TTN: variants seen among roughly 807,000 people sequenced by gnomAD.
TTN encodes connectin.
A neutral mutation model predicts 3,223.0 loss-of-function variants in TTN; 1,525 were observed. That is an observed-to-expected ratio of 0.47 (90% CI 0.45 to 0.49). The LOEUF (loss-of-function observed/expected upper bound fraction) is 0.49. TTN is among the 20% of genes least tolerant of loss of function. The pLI is 0.00. For synonymous variants in TTN, 14,094 were observed against 15,161.0 expected (o/e 0.93, Z 5.17); for missense variants, 40,786 against 43,424.0 (o/e 0.94, Z 5.40).
rs1437813524 is a variant in TTN, at chr2:178,684,084, T to G, written c.32723-2A>C. The stretch of plus-strand genomic sequence containing the variant: ...CAGCTCTCTTCGGTTCCTCTGGCAC[T>G]TTAAAGAGAGATTTCACTTTAAAGT... On this transcript the variant is annotated splice_acceptor_variant, in intron 132 of 362. Transcript: ENST00000589042. LOFTEE classifies it high-confidence loss of function. 6.2e-7 allele frequency: 1 copy of G among 1,612,502 alleles called. No individual in the cohort carries two copies. The highest frequency in any genetic ancestry group is 8.5e-7 in the Non-Finnish European group (1 of 1,179,166).
Position 178,602,479 on chromosome 2 carries a change from A to T in TTN, c.54923T>A (p.Ile18308Asn), listed in dbSNP as rs369024446. Residue 18308 changes from isoleucine to asparagine, a missense_variant, in exon 283 of 363, where the codon ATT becomes AAT. By Grantham distance (149) the Ile-to-Asn change is moderately radical. Transcript: ENST00000589042. ...KDGGSPIKGY[I>N]VEMQEEGTTD... The stretch of plus-strand genomic sequence containing the variant: ...AGTACCTTCTTCTTGCATTTCTACA[A>T]TGTATCCTTTGATTGGGCTGCCACC... The T allele has an allele frequency of 6.2e-7, 1 of 1,611,944 alleles. No homozygotes were observed. Among genetic ancestry groups the T allele is most frequent in the Non-Finnish European group, 8.5e-7 (1 of 1,178,928 alleles).
At position 178,727,297 on chromosome 2, in the gene TTN, T is replaced by C; in HGVS notation, c.20068A>G (p.Lys6690Glu). The C allele has an allele frequency of 6.2e-7, 1 of 1,613,056 alleles. No homozygotes were observed. Residue 6690 changes from lysine to glutamate, a missense_variant, in exon 69 of 363, where the codon AAG (lysine) becomes GAG (glutamate). By Grantham distance (56) the Lys-to-Glu change is moderately conservative. Transcript: ENST00000589042. The stretch of plus-strand genomic sequence containing the variant: ...CTGATTTCTGGGGATCCAGCTATCT[T>C]GCATTCAAGTCGTGAAGAGTCACCT... ...KAGDSSRLEC[K>E]IAGSPEIRVV...
Position 178,575,846 on chromosome 2 carries a change from T to A in TTN, c.70286A>T (p.Asn23429Ile). 1 of 1,613,578 alleles carries A rather than the reference T, an allele frequency of 6.2e-7. No individual in the cohort carries two copies. The highest frequency in any genetic ancestry group is 8.5e-7 in the Non-Finnish European group (1 of 1,179,616). The change falls in exon 326 of 363, where the codon AAC (asparagine) becomes ATC (isoleucine). Residue 23429 changes from asparagine to isoleucine, a missense_variant. Physicochemically the swap from Asn to Ile is moderately radical, Grantham distance 149. Coordinates refer to ENST00000589042, the MANE Select transcript of TTN (RefSeq NM_001267550.2). The surrounding 1 kb of genome is among the most constrained non-coding windows in gnomAD (Gnocchi z 4.0). ...GCCTGGCGTGTCCAAGACTCTGACG[T>A]TCACAAAGCCACTTTTCTTCCCAGC... ...NPAGKKSGFV[N>I]VRVLDTPGPV...
intron 77 of TTN, 40 bp from the exon 78 acceptor site, chr2:178,722,174 G>GAT (rs1553910202): frequency 1.3e-6 from 2 of 1,529,110 alleles, no homozygotes; most frequent in Non-Finnish European, 1.8e-6. Context: ...TTTTTTGTTT[G>GAT]TTTTTTTGCC....
At chr2:178,556,455 CAAAAA>C in intron 330 of TTN, 1 of 185,784 alleles carries the variant, frequency 5.4e-6, no homozygotes, top group Non-Finnish European at 1.1e-5. Context: ...AACAAACAAA[CAAAAA>C]AAAAAAAACC....
rs747202772 is a variant in TTN at position 178,749,727 on chromosome 2, C to G, written c.11311+3397G>C. The G allele has an allele frequency of 5.2e-5, 84 of 1,612,878 alleles. No homozygotes were observed. Among genetic ancestry groups the G allele is most frequent in the Non-Finnish European group, 7.0e-5 (82 of 1,179,382 alleles). ...GCAACACATTTATATTTTCCAGAAT[C>G]TTGAGAATTAACATCCTTAATATAT... On this transcript the variant is annotated intron_variant, in intron 47 of 362. Transcript: ENST00000589042.
chr2:178,554,185 C>G lies in TTN; in HGVS notation c.88926G>C (p.Val29642=). 6.2e-7 allele frequency: 1 copy of G among 1,608,868 alleles called. No homozygotes were observed. The highest frequency in any genetic ancestry group is 8.5e-7 in the Non-Finnish European group (1 of 1,177,894). The change falls in exon 333 of 363, where the codon GTG becomes GTC. Residue 29642 remains valine, a synonymous_variant. Transcript: ENST00000589042. The stretch of plus-strand genomic sequence containing the variant: ...TCATCGAATTCTTGGTAATCTTTGT[C>G]ACTTCTGGTATGCCTGGTGGCCCAG... ...VTPGPPGIPE[V]TKITKNSMTV...
In TTN at chr2:178,554,679, C is replaced by G. The variant is rs1700648523; in HGVS notation, c.88668G>C (p.Arg29556=). 1 of 1,613,874 alleles carries G rather than the reference C, an allele frequency of 6.2e-7. No individual in the cohort carries two copies. The highest frequency in any genetic ancestry group is 2.2e-5 in the East Asian group (1 of 44,872). Reference sequence around the variant, plus strand: ...TTGCACCACCATCATCAGCTGGAGGCCGCCAGAGAAGGGTGATCTTCTCAG... The same window carrying G: ...TTGCACCACCATCATCAGCTGGAGGGCGCCAGAGAAGGGTGATCTTCTCAG... ...VTAEKITLLW[R]PPADDGGAKI... The change falls in exon 332 of 363, where the codon CGG becomes CGC. Residue 29556 remains arginine, a synonymous_variant. Transcript: ENST00000589042.
rs373727636 is a variant in TTN at position 178,548,930 on chromosome 2, A to G, written c.92696T>C (p.Ile30899Thr). The change falls in exon 339 of 363, where the codon ATC becomes ACC. Residue 30899 changes from isoleucine (I) to threonine (T), a missense_variant. Physicochemically the swap from Ile to Thr is moderately conservative, Grantham distance 89 (BLOSUM62 -1). Transcript: ENST00000589042. The surrounding 1 kb of genome is among the most constrained non-coding windows in gnomAD (Gnocchi z 4.3). ...GCTGTCGCCTTTTCCAGCACCATTG[A>G]TAGCACTAACTCGGAATTTGTATTC... ...GEEYKFRVSA[I>T]NGAGKGDSCE... 348 of 1,613,938 alleles carry G rather than the reference A, an allele frequency of 2.2e-4. No individual in the cohort carries two copies. Among genetic ancestry groups the G allele is most frequent in the Non-Finnish European group, 2.8e-4 (334 of 1,179,840 alleles).
intron 34 of TTN, 134 bp downstream of exon 34, chr2:178,771,077 G>C: frequency 7.1e-7 from 1 of 1,401,762 alleles, no homozygotes; most frequent in Non-Finnish European, 9.8e-7. Context: ...GTCTCAGGAA[G>C]GTTTAGAGGA....
chr2:178,694,661 T>C lies in TTN; in HGVS notation c.31364A>G (p.Lys10455Arg), dbSNP rs1378460966. ...GGAAGGTTTTTGTGGAACAATCTTCTTTGAAACTTCAGGTACTTTAAAAAT... is the reference window on the plus strand; with the variant it reads ...GGAAGGTTTTTGTGGAACAATCTTCCTTGAAACTTCAGGTACTTTAAAAAT... Reference protein sequence around the residue: ...VQVTKVPEVSKKIVPQKPSRT... With the variant: ...VQVTKVPEVSRKIVPQKPSRT... The change falls in exon 117 of 363, where the codon AAG (lysine) becomes AGG (arginine). Residue 10455 changes from lysine (K) to arginine (R), a missense_variant. By Grantham distance (26) the Lys-to-Arg change is conservative (BLOSUM62 2). Transcript: ENST00000589042. 3 of 1,554,362 alleles carry C rather than the reference T, an allele frequency of 1.9e-6. No homozygotes were observed. The highest frequency in any genetic ancestry group is 2.6e-6 in the Non-Finnish European group (3 of 1,148,198).
chr2:178,594,105 C>CT lies in TTN; in HGVS notation c.58287dup (p.Asp19430ArgfsTer2). The CT allele has an allele frequency of 6.2e-7, 1 of 1,613,418 alleles. No homozygotes were observed. The highest frequency in any genetic ancestry group is 1.3e-5 in the African/African-American group (1 of 75,014). Reference sequence around the variant, plus strand: ...GTAGTCTTTATATGAGTGCGATCATCTTCCAGCACATCAGCTTCATCTTTG... The same window carrying CT: ...GTAGTCTTTATATGAGTGCGATCATCTTTCCAGCACATCAGCTTCATCTTTG... On this transcript the variant is annotated frameshift_variant, in exon 297 of 363. Transcript: ENST00000589042. LOFTEE classifies it high-confidence loss of function.
At position 178,735,745 on chromosome 2, in the gene TTN, T is replaced by C. The variant is rs886038840; in HGVS notation, c.14701A>G (p.Ile4901Val). 6 of 1,613,832 alleles carry C rather than the reference T, an allele frequency of 3.7e-6. No homozygotes were observed. The highest frequency in any genetic ancestry group is 1.1e-5 in the South Asian group (1 of 91,088). The change falls in exon 50 of 363, where the codon ATC becomes GTC. Residue 4901 changes from isoleucine (I) to valine (V), a missense_variant. By Grantham distance (29) the Ile-to-Val change is conservative (BLOSUM62 3). Transcript: ENST00000589042. ...CACTCAAGGTGGACCTTCTTATTGA[T>C]AGCGGACTGCACAGGCTCTAATTCT... ...IKELEPVQSAINKKVHLECQV... is the reference protein window; with the variant it reads ...IKELEPVQSAVNKKVHLECQV...
At chr2:178,615,031 T>A in intron 259 of TTN, 63 bp from the exon 260 acceptor site, 1 of 1,388,554 alleles carries the variant, frequency 7.2e-7, no homozygotes, top group Non-Finnish European at 9.8e-7. Context: ...TGTGTAGTAC[T>A]CATAATCTTT....
intron 47 of TTN, chr2:178,745,792 T>G (rs1398898632): frequency 1.2e-6 from 2 of 1,613,228 alleles, no homozygotes; most frequent in East Asian, 4.5e-5. Context: ...AGCCACGAAC[T>G]AAGCACTGAA....
rs1485291993 is a variant in TTN at position 178,615,358 on chromosome 2, G to A, written c.48587C>T (p.Pro16196Leu). 4 of 1,612,428 alleles carry A rather than the reference G, an allele frequency of 2.5e-6. No homozygotes were observed. The highest frequency in any genetic ancestry group is 3.4e-6 in the Non-Finnish European group (4 of 1,179,012). ...GGCAACCCATTTATCAGAACCACGT[G>A]GACATCTTTCAACTATATATCCTTT... ...RIKGYIVERCPRGSDKWVACG... is the reference protein window; with the variant it reads ...RIKGYIVERCLRGSDKWVACG... Residue 16196 changes from proline (P) to leucine (L), a missense_variant, in exon 259 of 363, where the codon CCA (proline) becomes CTA (leucine). Physicochemically the swap from Pro to Leu is moderately conservative, Grantham distance 98. Coordinates refer to ENST00000589042, the MANE Select transcript of TTN (RefSeq NM_001267550.2).
Position 178,781,270 on chromosome 2 carries a change from G to A in TTN, c.3381-7C>T. On this transcript the variant is annotated splice_polypyrimidine_tract_variant and splice_region_variant and intron_variant, in intron 20 of 362. Coordinates refer to ENST00000589042, the MANE Select transcript of TTN (RefSeq NM_001267550.2). ...GTTGTAACTCACTTTGTATCTTTAT[G>A]TAAATGTACAAAATTTAAAAATCAG... 6.2e-7 allele frequency: 1 copy of A among 1,613,736 alleles called. No homozygotes were observed. The highest frequency in any genetic ancestry group is 1.1e-5 in the South Asian group (1 of 91,068).
intron 241 of TTN, 51 bp downstream of exon 241, chr2:178,625,222 G>T: frequency 6.3e-7 from 1 of 1,580,718 alleles, no homozygotes; most frequent in Non-Finnish European, 8.6e-7. Flanking sequence ...AGTTGGCATT[G>T]TTCATGAGCC....
chr2:178,785,177 A>G (rs888223700), intron 15 of TTN, among the ~76,000 whole-genome samples: 1 of 150,940 alleles, frequency 6.6e-6, no homozygotes, highest in African/African-American at 2.4e-5. Flanking sequence ...CCATCTTGCT[A>G]TATTGAGTAT....
Sources: gnomAD v4.1 joint callset for allele counts (sites outside exome capture counted in the v4.1 genomes callset) on GRCh38, gnomAD v4.1.1 for gene constraint, Gnocchi (gnomAD v3.1) non-coding constraint, MANE v1.5 for transcripts, NCBI Gene and HGNC (gene_info 2026-07-23, HGNC 2026-07-21) for gene names.